MAML3: variants seen among roughly 807,000 people sequenced by gnomAD.
The protein encoded by MAML3 is mastermind-like protein 3.
In MAML3, 27 loss-of-function variants were observed where a neutral mutation model predicts 101.9. That is an observed-to-expected ratio of 0.27 (90% CI 0.20 to 0.37). The LOEUF (loss-of-function observed/expected upper bound fraction) is 0.37, where lower values mean the gene tolerates loss of function less well. Ranked by LOEUF, MAML3 falls within the 10% of genes least tolerant of loss-of-function variation. The probability of loss-of-function intolerance (pLI) is 1.00; values close to 1 mark genes in which losing one functional copy is unlikely to be tolerated. For missense variants in MAML3, 1,316 were observed against 1,444.9 expected, an observed-to-expected ratio of 0.91 and a Z score of 1.45; for synonymous variants, 501 against 555.9, an observed-to-expected ratio of 0.90 and a Z score of 1.39.
chr4:139,826,900 T>C (rs149721832), intron 2 of MAML3, among the ~76,000 whole-genome samples: 1 of 149,534 alleles, frequency 6.7e-6, no homozygotes, highest in Non-Finnish European at 1.5e-5. Flanking sequence ...TCATACAAGA[T>C]AGGGAAACTA....
intron 1 of MAML3, among the ~76,000 whole-genome samples, chr4:140,083,139 G>A (rs553541656): frequency 6.6e-6 from 1 of 152,162 alleles, no homozygotes; most frequent in African/African-American, 2.4e-5. Context: ...AAGAATCGAA[G>A]GCTCAGAACC....
chr4:139,751,311 C>T (rs746237680), intron 2 of MAML3, among the ~76,000 whole-genome samples: 9 of 152,196 alleles, frequency 5.9e-5, no homozygotes, highest in Admixed American at 3.3e-4. Context: ...AGAAGTATTA[C>T]GAATTTCTTG....
intron 1 of MAML3, among the ~76,000 whole-genome samples, chr4:139,922,456 AACC>A (rs55663564): frequency 0.33 from 49,717 of 151,726 alleles, 9,221 homozygotes; most frequent in East Asian, 0.63. Flanking sequence ...GTGGGTCCCT[AACC>A]TCAAGCTAAT....
intron 1 of MAML3, among the ~76,000 whole-genome samples, chr4:139,941,260 A>T (rs1733591080): frequency 6.6e-6 from 1 of 152,182 alleles, no homozygotes; most frequent in East Asian, 1.9e-4. Flanking sequence ...AGGGTGGAAG[A>T]CTTTCTAGCC....
intron 1 of MAML3, among the ~76,000 whole-genome samples, chr4:139,973,781 A>C (rs2110796411): frequency 6.6e-6 from 1 of 152,336 alleles, no homozygotes; most frequent in African/African-American, 2.4e-5. Context: ...TCTCCCTTGG[A>C]GACAAAGAAT....
rs549890631 is a variant in MAML3 at position 139,859,935 on chromosome 4, G to A, written c.2079+29422C>T. Among the ~76,000 whole-genome samples, 545 of 152,324 alleles carry A rather than the reference G, an allele frequency of 3.6e-3. 2 individuals are homozygous for A. Among genetic ancestry groups the A allele is most frequent in the Admixed American group, 5.0e-3 (77 of 15,304 alleles). Reference sequence around the variant, plus strand: ...AGAGCAAACGAGAGCGGAGAGGCCTGAGCGCCACAGGGTGCAAGGCCGGAG... The same window carrying A: ...AGAGCAAACGAGAGCGGAGAGGCCTAAGCGCCACAGGGTGCAAGGCCGGAG... On this transcript the variant is annotated intron_variant, in intron 2 of 4. Transcript: ENST00000509479.
chr4:139,869,370 A>G (rs1560819437), intron 2 of MAML3, among the ~76,000 whole-genome samples: 1 of 66,014 alleles, frequency 1.5e-5, no homozygotes, highest in Non-Finnish European at 3.4e-5. Flanking sequence ...TTGGAAGGCA[A>G]TAAAATTTTT....
chr4:139,871,498 C>T (rs1017185840), intron 2 of MAML3, among the ~76,000 whole-genome samples: 13 of 152,316 alleles, frequency 8.5e-5, no homozygotes, highest in Admixed American at 5.9e-4. Context: ...CAGGGTCACA[C>T]GCAGTCAGGT....
chr4:139,818,109 C>T (rs577904175), intron 2 of MAML3, among the ~76,000 whole-genome samples: 4 of 152,318 alleles, frequency 2.6e-5, no homozygotes, highest in African/African-American at 9.6e-5. Context: ...ACAATTCTAA[C>T]AAGTCCCCAG....
intron 1 of MAML3, among the ~76,000 whole-genome samples, chr4:139,892,216 T>A (rs192265455): frequency 1.6e-3 from 249 of 152,338 alleles, no homozygotes; most frequent in African/African-American, 5.8e-3. Context: ...TGCTGGATAT[T>A]TCATGGACAT....
intron 4 of MAML3, among the ~76,000 whole-genome samples, chr4:139,720,998 A>G (rs536412135): frequency 6.6e-6 from 1 of 152,220 alleles, no homozygotes; most frequent in African/African-American, 2.4e-5. Context: ...AGATTTCAAC[A>G]TGCTCCAGAT....
chr4:140,083,515 T>C (rs1314978486), intron 1 of MAML3, among the ~76,000 whole-genome samples: 1 of 152,186 alleles, frequency 6.6e-6, no homozygotes, highest in Non-Finnish European at 1.5e-5. Flanking sequence ...ATATGTTCCT[T>C]GTTTGCACAT....
At chr4:140,137,907 T>G (rs945237808) in intron 1 of MAML3, among the ~76,000 whole-genome samples, 1 of 152,262 alleles carries the variant, frequency 6.6e-6, no homozygotes, top group Admixed American at 6.5e-5. Flanking sequence ...CACGAAGGCA[T>G]GATTCTCACA....
chr4:139,886,022 T>C (rs1732333281), intron 2 of MAML3, among the ~76,000 whole-genome samples: 4 of 144,020 alleles, frequency 2.8e-5, no homozygotes, highest in Admixed American at 2.7e-4. Flanking sequence ...TATAAGAACA[T>C]ATCTCAGAGA....
At chr4:139,840,850 A>C (rs1731348692) in intron 2 of MAML3, among the ~76,000 whole-genome samples, 1 of 152,212 alleles carries the variant, frequency 6.6e-6, no homozygotes, top group African/African-American at 2.4e-5. Flanking sequence ...GAACCTTCTC[A>C]ATTGCCGTGT....
chr4:139,998,228 G>C (rs932945804), intron 1 of MAML3, among the ~76,000 whole-genome samples: 3 of 151,904 alleles, frequency 2.0e-5, no homozygotes, highest in Non-Finnish European at 4.4e-5. Context: ...AATTTCTATT[G>C]ATCTATCACA....
chr4:139,946,640 G>A (rs1733731248), intron 1 of MAML3, among the ~76,000 whole-genome samples: 1 of 152,010 alleles, frequency 6.6e-6, no homozygotes, highest in African/African-American at 2.4e-5. Context: ...TTTGTGCATT[G>A]CTTAAACAAA....
intron 1 of MAML3, among the ~76,000 whole-genome samples, chr4:140,029,505 A>G (rs942504961): frequency 4.6e-5 from 7 of 152,188 alleles, no homozygotes; most frequent in Non-Finnish European, 7.3e-5. Flanking sequence ...TGCTGGATTA[A>G]TTACCAACTA....
chr4:139,848,458 AT>A lies in MAML3; in HGVS notation c.2079+40898del, dbSNP rs377350852. Among the ~76,000 whole-genome samples the A allele has an allele frequency of 1.2e-4, 18 of 152,348 alleles. No individual in the cohort carries two copies. In the East Asian group the frequency reaches 2.3e-3, roughly 20 times the overall value. On this transcript the variant is annotated intron_variant, in intron 2 of 4. Transcript: ENST00000509479. ...AATGAGCAGAGTCCTTCCCTCAAAA[AT>A]AGCCCTTTAATGATTGAACAAAAAA...
Sources: allele counts gnomAD v4.1 joint callset (sites outside exome capture counted in the v4.1 genomes callset), GRCh38; gene constraint gnomAD v4.1.1; transcripts MANE v1.5; gene names NCBI Gene and HGNC (gene_info 2026-07-23, HGNC 2026-07-21).